Variants in CACNA2D4 observed in about 807,000 individuals in gnomAD.
CACNA2D4 encodes the protein voltage-dependent calcium channel subunit alpha-2/delta-4.
In CACNA2D4, 157 loss-of-function variants were observed where a neutral mutation model predicts 163.8. The ratio of observed to expected loss-of-function variants is 0.96; its 90% CI spans 0.84 to 1.09. The LOEUF is 1.09. CACNA2D4 is among the 50% of genes least tolerant of loss of function. The pLI is 0.00. For synonymous variants in CACNA2D4, 598 were observed against 586.9 expected (o/e 1.02, Z -0.27); for missense variants, 1,410 against 1,479.9 (o/e 0.95, Z 0.78).
chr12:1,908,169 C>T, intron 4 of CACNA2D4, 132 bp from the exon 5 acceptor site: 1 of 918,816 alleles, frequency 1.1e-6, no homozygotes, highest in Non-Finnish European at 1.6e-6. Flanking sequence ...ACACAAGCAC[C>T]CGCGGCGGCG....
rs1864531052 is a variant in CACNA2D4 at position 1,829,707 on chromosome 12, G to A, written c.2551+11032C>T. On this transcript the variant is annotated intron_variant, in intron 26 of 37. Coordinates refer to ENST00000382722, the MANE Select transcript of CACNA2D4 (RefSeq NM_172364.5). The surrounding 1 kb of genome is among the most constrained non-coding windows in gnomAD (Gnocchi z 4.2). ...ACAGCCCATCGGCCCACCCCGACCT[G>A]GGACAGCCAGGTCCCAGGTCCCATG... 6.7e-6 allele frequency among the ~76,000 whole-genome samples: 1 copy of A among 149,012 alleles called. No individual in the cohort carries two copies. Among genetic ancestry groups the A allele is most frequent in the South Asian group, 2.1e-4 (1 of 4,690 alleles).
intron 29 of CACNA2D4, among the ~76,000 whole-genome samples, chr12:1,804,837 C>G (rs1460373281): frequency 6.6e-6 from 1 of 152,250 alleles, no homozygotes; most frequent in African/African-American, 2.4e-5. Flanking sequence ...TGGGCCCAGG[C>G]TGCCTTCATC....
chr12:1,851,680 T>TGTGTGTGTGTGTGTG (rs55736421), intron 23 of CACNA2D4, among the ~76,000 whole-genome samples: 3 of 26,760 alleles, frequency 1.1e-4, no homozygotes, highest in African/African-American at 2.9e-4. Context: ...TGTGTGTGCG[T>TGTGTGTGTGTGTGTG]TTTTTTTTTT....
intron 1 of CACNA2D4, 33 bp downstream of exon 1, chr12:1,918,214 G>T (rs1184630180): frequency 2.6e-6 from 4 of 1,513,088 alleles, no homozygotes; most frequent in Non-Finnish European, 3.6e-6. Flanking sequence ...AGGGTGACCG[G>T]GTTTTTGGGG....
intron 37 of CACNA2D4, chr12:1,795,063 G>T: frequency 1.7e-6 from 1 of 584,074 alleles, no homozygotes; most frequent in African/African-American, 1.9e-5. Context: ...CCCTAATCAG[G>T]AAATAACAAG....
chr12:1,909,280 C>T (rs1476430881), intron 4 of CACNA2D4, among the ~76,000 whole-genome samples: 1 of 152,248 alleles, frequency 6.6e-6, no homozygotes, highest in Admixed American at 6.5e-5. Flanking sequence ...CAAGCTCCGC[C>T]TCCCGGGTTC....
At chr12:1,882,423 C>G (rs77113628) in intron 13 of CACNA2D4, among the ~76,000 whole-genome samples, 1 of 151,874 alleles carries the variant, frequency 6.6e-6, no homozygotes, top group Non-Finnish European at 1.5e-5. Flanking sequence ...TTCATTCTTT[C>G]GTGCAAGTCA....
intron 22 of CACNA2D4, among the ~76,000 whole-genome samples, chr12:1,855,199 G>T (rs1377865703): frequency 6.6e-6 from 1 of 152,166 alleles, no homozygotes; most frequent in Non-Finnish European, 1.5e-5. Context: ...GATAGCAAGG[G>T]CCTTGTCTGG....
intron 26 of CACNA2D4, among the ~76,000 whole-genome samples, chr12:1,838,042 TCA>T (rs1333113541): frequency 6.6e-6 from 1 of 152,156 alleles, no homozygotes; most frequent in Non-Finnish European, 1.5e-5. Flanking sequence ...TGCTGGACAA[TCA>T]CTTGCCCGTT....
intron 19 of CACNA2D4, among the ~76,000 whole-genome samples, chr12:1,859,696 A>G (rs1450848464): frequency 6.6e-6 from 1 of 152,248 alleles, no homozygotes; most frequent in African/African-American, 2.4e-5. Context: ...TGAAACTCAA[A>G]GACCTGTTAA....
At chr12:1,809,688 G>A (rs533393559) in intron 29 of CACNA2D4, 29 of 632,036 alleles carry the variant, frequency 4.6e-5, no homozygotes, top group East Asian at 2.7e-4. Flanking sequence ...CACAGCCAGC[G>A]GGGGCGGGGG....
chr12:1,823,441 G>A (rs1458656815), intron 26 of CACNA2D4, among the ~76,000 whole-genome samples: 2 of 152,082 alleles, frequency 1.3e-5, no homozygotes, highest in Admixed American at 6.5e-5. Context: ...GCTCTGAGGG[G>A]GCCGAGTGGG....
intron 23 of CACNA2D4, among the ~76,000 whole-genome samples, chr12:1,850,532 C>T (rs1865253336): frequency 6.6e-6 from 1 of 152,116 alleles, no homozygotes; most frequent in South Asian, 2.1e-4. Context: ...AAACACCTTT[C>T]CAGTTTGTAA....
Position 1,918,542 on chromosome 12 carries a change from C to T in CACNA2D4, c.-69G>A. The stretch of plus-strand genomic sequence containing the variant: ...CTTTGTCTTCCGTGCCTTGGCGAGC[C>T]TGGGGTCTCCAGCCTCTCAGTCCTG... On this transcript the variant is annotated 5_prime_UTR_variant, in exon 1 of 38. Coordinates refer to ENST00000382722, the MANE Select transcript of CACNA2D4 (RefSeq NM_172364.5). 7.9e-7 allele frequency: 1 copy of T among 1,261,690 alleles called. No homozygotes were observed. The highest frequency in any genetic ancestry group is 1.1e-6 in the Non-Finnish European group (1 of 900,996). The allele number at this position is 1,261,690 out of a possible 1,614,324, so 78.2% of individuals were successfully genotyped here. A position where few individuals can be genotyped will look rare whatever the true frequency, so the allele number is the denominator to read the frequency against.
At position 1,917,977 on chromosome 12, in the gene CACNA2D4, C is replaced by T; in HGVS notation, c.227+270G>A. The T allele has an allele frequency of 2.5e-6, 1 of 405,876 alleles. No individual in the cohort carries two copies. The highest frequency in any genetic ancestry group is 4.4e-6 in the Non-Finnish European group (1 of 226,442). 25.1% of individuals were successfully genotyped at this position (405,876 alleles called of 1,614,324 possible). ...GCTGCTTGTCAGGCCAGGAAGACAG[C>T]AGCCCTGATGATCAGTTCTTCCTAA... On this transcript the variant is annotated intron_variant, in intron 1 of 37. Coordinates refer to ENST00000382722, the MANE Select transcript of CACNA2D4 (RefSeq NM_172364.5). This position sits in a 1 kb window ranked among gnomAD's most constrained non-coding sequence, Gnocchi z 4.3.
intron 22 of CACNA2D4, among the ~76,000 whole-genome samples, chr12:1,855,560 C>G (rs1865381643): frequency 6.6e-6 from 1 of 152,200 alleles, no homozygotes; most frequent in Non-Finnish European, 1.5e-5. Flanking sequence ...GCCTGAGGAA[C>G]TGGTTTAGAA....
intron 26 of CACNA2D4, among the ~76,000 whole-genome samples, chr12:1,825,735 T>C (rs574441977): frequency 6.6e-6 from 1 of 152,326 alleles, no homozygotes; most frequent in South Asian, 2.1e-4. Context: ...GTGTGTGCCC[T>C]GCTCTGTGCA....
Position 1,828,732 on chromosome 12 carries a change from C to T in CACNA2D4, c.2551+12007G>A, listed in dbSNP as rs1358850129. Among the ~76,000 whole-genome samples the T allele has an allele frequency of 6.6e-6, 1 of 152,192 alleles. No individual in the cohort carries two copies. The highest frequency in any genetic ancestry group is 1.5e-5 in the Non-Finnish European group (1 of 68,034). ...CTCTCGGTAGAGGACCTAGTGGGCT[C>T]GTGGGATGCGGCGCTGGAAGAGACT... On this transcript the variant is annotated intron_variant, in intron 26 of 37. Coordinates refer to ENST00000382722, the MANE Select transcript of CACNA2D4 (RefSeq NM_172364.5). The surrounding 1 kb of genome is among the most constrained non-coding windows in gnomAD (Gnocchi z 4.2).
At chr12:1,903,681 C>A (rs549010694) in intron 6 of CACNA2D4, among the ~76,000 whole-genome samples, 2 of 151,624 alleles carry the variant, frequency 1.3e-5, no homozygotes, top group Non-Finnish European at 2.9e-5. Flanking sequence ...ATCATCTTAC[C>A]CTAATTAAAA....
Sources: gnomAD v4.1 joint callset for allele counts (sites outside exome capture counted in the v4.1 genomes callset) on GRCh38, gnomAD v4.1.1 for gene constraint, Gnocchi (gnomAD v3.1) non-coding constraint, MANE v1.5 for transcripts, NCBI Gene and HGNC (gene_info 2026-07-23, HGNC 2026-07-21) for gene names.